Variants in ADARB2 observed in about 807,000 individuals in gnomAD.
ADARB2 encodes the protein adenosine deaminase RNA specific B2 (inactive), also known as inactive double-stranded RNA-specific editase B2.
In ADARB2, 25 loss-of-function variants were observed where a neutral mutation model predicts 62.2. That is an observed-to-expected ratio of 0.40 (90% CI 0.29 to 0.56). The LOEUF is 0.56. Among genes scored for constraint, ADARB2 ranks in the 20% least tolerant of loss-of-function variants. ADARB2 has a pLI of 0.43. For synonymous variants in ADARB2, 572 were observed against 500.8 expected (o/e 1.14, Z -1.90); for missense variants, 1,071 against 1,077.4 (o/e 0.99, Z 0.08).
At chr10:1,689,429 G>A (rs1834640342) in intron 1 of ADARB2, among the ~76,000 whole-genome samples, 1 of 152,046 alleles carries the variant, frequency 6.6e-6, no homozygotes, top group Non-Finnish European at 1.5e-5. Flanking sequence ...CCCTAATTAG[G>A]ACTCCACAGT....
intron 1 of ADARB2, among the ~76,000 whole-genome samples, chr10:1,390,074 C>A (rs1431315627): frequency 2.0e-5 from 3 of 152,124 alleles, no homozygotes; most frequent in African/African-American, 7.2e-5. Context: ...AGAATGGATA[C>A]ATTAATTGTG....
chr10:1,394,926 C>CTCTT (rs555663417), intron 1 of ADARB2: 16 of 456,088 alleles, frequency 3.5e-5, no homozygotes, highest in Non-Finnish European at 6.6e-5. Context: ...CTTCCTCTCT[C>CTCTT]TCTTTCTTTC....
intron 1 of ADARB2, among the ~76,000 whole-genome samples, chr10:1,666,370 C>T (rs936504163): frequency 3.3e-5 from 5 of 152,230 alleles, no homozygotes; most frequent in Non-Finnish European, 7.3e-5. Flanking sequence ...TCGGAGCCTC[C>T]GAAGGGGGGC....
Position 1,596,821 on chromosome 10 carries a change from C to T in ADARB2, c.100+140230G>A, listed in dbSNP as rs561177737. ...ACGAAGTGGCAAAGCAAGGGTGTCC[C>T]GCAGCAGGAGGGAGAGTGGGAGCAA... is the stretch of plus-strand genomic sequence containing the variant. On this transcript the variant is annotated intron_variant, in intron 1 of 9. Transcript: ENST00000381312. 5.2e-4 allele frequency among the ~76,000 whole-genome samples: 79 copies of T among 152,286 alleles called. No individual in the cohort carries two copies. In the South Asian group the frequency reaches 0.016, roughly 31 times the overall value.
At chr10:1,389,788 A>AAATAAAT (rs1564277139) in intron 1 of ADARB2, among the ~76,000 whole-genome samples, 3 of 148,170 alleles carry the variant, frequency 2.0e-5, no homozygotes, top group Admixed American at 1.3e-4. Context: ...AATAAATAAT[A>AAATAAAT]AATAAAAAAT....
chr10:1,732,860 G>A (rs923822169), intron 1 of ADARB2, among the ~76,000 whole-genome samples: 1 of 152,184 alleles, frequency 6.6e-6, no homozygotes, highest in African/African-American at 2.4e-5. Context: ...CCATCTGCTC[G>A]ACTTATTTTG....
chr10:1,643,827 C>T (rs1029066529), intron 1 of ADARB2, among the ~76,000 whole-genome samples: 11 of 152,136 alleles, frequency 7.2e-5, no homozygotes, highest in African/African-American at 2.7e-4. Flanking sequence ...TAATTCCAAT[C>T]CTGAGAATGA....
chr10:1,680,193 T>TCCG (rs1240609456), intron 1 of ADARB2, among the ~76,000 whole-genome samples: 1 of 130,168 alleles, frequency 7.7e-6, no homozygotes, highest in Non-Finnish European at 1.7e-5. Flanking sequence ...TCCTGTGTAA[T>TCCG]CCGCCACTCA....
chr10:1,216,802 G>A, intron 7 of ADARB2, 149 bp downstream of exon 7: 3 of 1,049,682 alleles, frequency 2.9e-6, no homozygotes, highest in Non-Finnish European at 4.1e-6. Flanking sequence ...ATGTGGAATG[G>A]CTGTGGAGTT....
intron 1 of ADARB2, among the ~76,000 whole-genome samples, chr10:1,690,809 T>G (rs1834659935): frequency 6.6e-6 from 1 of 152,194 alleles, no homozygotes; most frequent in Non-Finnish European, 1.5e-5. Context: ...CACACTGTCA[T>G]TCGGCTTGGC....
chr10:1,512,411 A>G lies in ADARB2; in HGVS notation c.101-133251T>C, dbSNP rs369186520. Among the ~76,000 whole-genome samples, 6 of 152,306 alleles carry G rather than the reference A, an allele frequency of 3.9e-5. No individual in the cohort carries two copies. The South Asian group carries it at 6.2e-4, about 16-fold the overall frequency. On this transcript the variant is annotated intron_variant, in intron 1 of 9. Coordinates refer to ENST00000381312, the MANE Select transcript of ADARB2 (RefSeq NM_018702.4). ...TGCTACACTGGATACCAATACATCA[A>G]TTAAGTCTACACTGGATACCAAGAC...
intron 1 of ADARB2, among the ~76,000 whole-genome samples, chr10:1,729,216 G>A (rs1835202697): frequency 6.6e-6 from 1 of 152,120 alleles, no homozygotes; most frequent in Non-Finnish European, 1.5e-5. Flanking sequence ...TTTACCTAAG[G>A]AATAGTAAAA....
intron 1 of ADARB2, among the ~76,000 whole-genome samples, chr10:1,526,154 C>G (rs912360127): frequency 6.6e-6 from 1 of 151,620 alleles, no homozygotes; most frequent in South Asian, 2.1e-4. Context: ...CTTGCACTTG[C>G]GCGGCTGCTC....
intron 1 of ADARB2, among the ~76,000 whole-genome samples, chr10:1,596,958 C>T (rs1304954521): frequency 6.6e-6 from 1 of 152,190 alleles, no homozygotes; most frequent in Non-Finnish European, 1.5e-5. Flanking sequence ...GCCGACTTCT[C>T]TCCACGGTGG....
rs1832459481 is a variant in ADARB2, at chr10:1,379,102, G to A, written c.159C>T (p.Ile53=). 1 of 1,613,768 alleles carries A rather than the reference G, an allele frequency of 6.2e-7. No individual in the cohort carries two copies. The part of the protein sequence containing the change: ...LAPFKHLSPG[I]TNTEDDDTLS... ...GGGTGTCGTCATCCTCCGTGTTTGTGATGCCAGGACTCAGGTGCTTGAAAG... is the reference window on the plus strand; with the variant it reads ...GGGTGTCGTCATCCTCCGTGTTTGTAATGCCAGGACTCAGGTGCTTGAAAG... The change falls in exon 2 of 10, where the codon ATC becomes ATT. Residue 53 remains isoleucine (I), a synonymous_variant. Transcript: ENST00000381312.
intron 1 of ADARB2, among the ~76,000 whole-genome samples, chr10:1,699,104 G>T (rs956245864): frequency 5.9e-5 from 9 of 152,240 alleles, no homozygotes; most frequent in Non-Finnish European, 1.2e-4. Flanking sequence ...GGCTGACACT[G>T]CAGTGATTTT....
chr10:1,399,521 G>T (rs1419205698), intron 1 of ADARB2, among the ~76,000 whole-genome samples: 1 of 152,086 alleles, frequency 6.6e-6, no homozygotes, highest in African/African-American at 2.4e-5. Flanking sequence ...GGTCTAGCAG[G>T]GTCCCCGGCC....
At chr10:1,231,215 C>A (rs969506474) in intron 6 of ADARB2, among the ~76,000 whole-genome samples, 1 of 152,166 alleles carries the variant, frequency 6.6e-6, no homozygotes, top group Admixed American at 6.5e-5. Flanking sequence ...CAGCACCAAC[C>A]CCAAGCATTT....
chr10:1,510,176 TTC>T (rs1441915733), intron 1 of ADARB2, among the ~76,000 whole-genome samples: 3 of 149,766 alleles, frequency 2.0e-5, no homozygotes, highest in African/African-American at 4.9e-5. Flanking sequence ...TTCTTTTTCT[TTC>T]TTTCTTTTTC....
Sources: gnomAD v4.1 joint callset for allele counts (sites outside exome capture counted in the v4.1 genomes callset) on GRCh38, gnomAD v4.1.1 for gene constraint, MANE v1.5 for transcripts, NCBI Gene and HGNC (gene_info 2026-07-23, HGNC 2026-07-21) for gene names.